Variants in ATP6V1C1 observed in about 807,000 individuals in gnomAD.
ATP6V1C1 encodes ATPase H+ transporting V1 subunit C1, also known as V-type proton ATPase subunit C 1.
A neutral mutation model predicts 53.9 loss-of-function variants in ATP6V1C1; 45 were observed. The ratio of observed to expected loss-of-function variants is 0.83; its 90% confidence interval spans 0.66 to 1.07. The LOEUF is 1.07. Among genes scored for constraint, ATP6V1C1 ranks in the 50% least tolerant of loss-of-function variants. The probability of loss-of-function intolerance (pLI) is 0.00; values close to 1 mark genes in which losing one functional copy is unlikely to be tolerated. For synonymous variants in ATP6V1C1, 153 were observed against 155.2 expected (o/e 0.99, Z 0.11); for missense variants, 315 against 440.3 (o/e 0.72, Z 2.55).
intron 1 of ATP6V1C1, among the ~76,000 whole-genome samples, chr8:103,026,224 T>C (rs559568908): frequency 1.9e-4 from 29 of 152,348 alleles, no homozygotes; most frequent in African/African-American, 6.0e-4. Context: ...TTTCCAACAT[T>C]GTATTATGTA....
chr8:103,032,795 A>T (rs1207930060), intron 1 of ATP6V1C1, among the ~76,000 whole-genome samples: 1 of 152,140 alleles, frequency 6.6e-6, no homozygotes, highest in Non-Finnish European at 1.5e-5. Flanking sequence ...TATAAAGGTA[A>T]ATATACATTG....
At position 103,066,511 on chromosome 8, in the gene ATP6V1C1, A is replaced by T. The variant is rs1346644740; in HGVS notation, c.1053+64A>T. ...GAATTTCAGAAAAAAAATGATTGAA[A>T]GAAGATAGACAGAAAAGGGAGGGTA... On this transcript the variant is annotated intron_variant, in intron 12 of 12. Transcript: ENST00000518738. The T allele has an allele frequency of 8.9e-6, 13 of 1,464,764 alleles. No homozygotes were observed. In the Admixed American group the frequency reaches 3.2e-4, roughly 37 times the overall value. 90.7% of individuals were successfully genotyped at this position (1,464,764 alleles called of 1,614,324 possible). A position where few individuals can be genotyped will look rare whatever the true frequency, so the allele number is the denominator to read the frequency against.
At chr8:103,061,740 A>G (rs987399328) in intron 8 of ATP6V1C1, among the ~76,000 whole-genome samples, 1 of 152,228 alleles carries the variant, frequency 6.6e-6, no homozygotes, top group Non-Finnish European at 1.5e-5. Context: ...AACACTAAAC[A>G]TTAGAAGAAC....
chr8:103,063,324 G>T, intron 10 of ATP6V1C1, 96 bp downstream of exon 10: 1 of 799,436 alleles, frequency 1.3e-6, no homozygotes, highest in Non-Finnish European at 1.9e-6. Context: ...ATCTGCTTTG[G>T]TTTTAAGACA....
chr8:103,029,207 T>C (rs1816750201), intron 1 of ATP6V1C1, among the ~76,000 whole-genome samples: 1 of 152,136 alleles, frequency 6.6e-6, no homozygotes, highest in Admixed American at 6.6e-5. Flanking sequence ...TTGATAAATA[T>C]TGCCAAATTG....
At chr8:103,055,643 T>C (rs1192240690) in intron 7 of ATP6V1C1, among the ~76,000 whole-genome samples, 1 of 152,170 alleles carries the variant, frequency 6.6e-6, no homozygotes. Context: ...GTGCCTCTTT[T>C]GCAATGGTTA....
rs114230498 is a variant in ATP6V1C1 at position 103,055,394 on chromosome 8, A to G, written c.573-474A>G. Among the ~76,000 whole-genome samples, 738 of 152,214 alleles carry G rather than the reference A, an allele frequency of 4.8e-3. 5 individuals are homozygous for G. Among genetic ancestry groups the G allele is most frequent in the African/African-American group, 0.017 (694 of 41,544 alleles). The stretch of plus-strand genomic sequence containing the variant: ...GGCCTCTAGAGAAGGTTGTTGCACA[A>G]TGTTTTGTGGCAACATAGTTTACTG... On this transcript the variant is annotated intron_variant, in intron 7 of 12. Coordinates refer to ENST00000518738, the MANE Select transcript of ATP6V1C1 (RefSeq NM_001695.5).
intron 12 of ATP6V1C1, 102 bp downstream of exon 12, chr8:103,066,549 A>C: frequency 7.8e-7 from 1 of 1,289,038 alleles, no homozygotes; most frequent in Non-Finnish European, 1.0e-6. Flanking sequence ...TATGAAACTT[A>C]ATCATTTTTT....
intron 8 of ATP6V1C1, among the ~76,000 whole-genome samples, chr8:103,057,120 A>G (rs551791159): frequency 3.8e-4 from 58 of 152,328 alleles, no homozygotes; most frequent in South Asian, 6.2e-4. Context: ...AAAATGAAAG[A>G]AAGTACACTC....
At position 103,040,930 on chromosome 8, in the gene ATP6V1C1, C is replaced by T. The variant is rs1453043114; in HGVS notation, c.94C>T (p.Leu32Phe). ...TGCGGCAACTTCAAAGAACAATAAT[C>T]TTGCTGTCACTTCCAAGTTCAATAT... ...LHAATSKNNN[L>F]AVTSKFNIPD... is the part of the protein sequence containing the mutation. Residue 32 changes from leucine to phenylalanine, a missense_variant, in exon 2 of 13, where the codon CTT (leucine) becomes TTT (phenylalanine). Transcript: ENST00000518738. 4.3e-6 allele frequency: 7 copies of T among 1,614,058 alleles called. No homozygotes were observed. Among genetic ancestry groups the T allele is most frequent in the South Asian group, 3.3e-5 (3 of 91,082 alleles).
intron 3 of ATP6V1C1, among the ~76,000 whole-genome samples, chr8:103,045,833 C>T (rs560415383): frequency 2.6e-5 from 4 of 151,890 alleles, no homozygotes; most frequent in East Asian, 3.9e-4. Context: ...CCCAGCTACT[C>T]GGGAGGCTGA....
At chr8:103,040,768 G>A in intron 1 of ATP6V1C1, 30 bp from the exon 2 acceptor site, 1 of 1,541,746 alleles carries the variant, frequency 6.5e-7, no homozygotes, top group South Asian at 1.2e-5. Context: ...GATTTTAAAT[G>A]TGATTTTTTT....
Position 103,052,792 on chromosome 8 carries a change from G to A in ATP6V1C1, c.443G>A (p.Gly148Glu). Residue 148 changes from glycine to glutamate, a missense_variant, in exon 6 of 13, where the codon GGA (glycine) becomes GAA (glutamate). Coordinates refer to ENST00000518738, the MANE Select transcript of ATP6V1C1 (RefSeq NM_001695.5). ...SRASAYNNLKGNLQNLERKNA... is the reference protein window; with the variant it reads ...SRASAYNNLKENLQNLERKNA... ...GCATCTGCATACAATAACCTGAAAGGAAATCTTCAGAATTTGGAACGAAAG... is the reference window on the plus strand; with the variant it reads ...GCATCTGCATACAATAACCTGAAAGAAAATCTTCAGAATTTGGAACGAAAG... 2 of 1,597,602 alleles carry A rather than the reference G, an allele frequency of 1.3e-6. No individual in the cohort carries two copies. Among genetic ancestry groups the A allele is most frequent in the African/African-American group, 1.4e-5 (1 of 73,984 alleles).
Position 103,071,909 on chromosome 8 carries a change from G to A in ATP6V1C1, c.*3162G>A, listed in dbSNP as rs2453996. 0.13 allele frequency: 19,783 copies of A among 152,362 alleles called. 1,415 individuals are homozygous for A. The highest frequency in any genetic ancestry group is 0.16 in the Middle Eastern group (47 of 294). 9.4% of individuals were successfully genotyped at this position (152,362 alleles called of 1,614,324 possible). A position where few individuals can be genotyped will look rare whatever the true frequency, so the allele number is the denominator to read the frequency against. ...TGGTGTTACAGGCATAAGCCACCACGCCTGGCCTGTGTTGCTATTATATTT... is the reference window on the plus strand; with the variant it reads ...TGGTGTTACAGGCATAAGCCACCACACCTGGCCTGTGTTGCTATTATATTT... On this transcript the variant is annotated 3_prime_UTR_variant, in exon 13 of 13. Coordinates refer to ENST00000518738, the MANE Select transcript of ATP6V1C1 (RefSeq NM_001695.5).
intron 1 of ATP6V1C1, among the ~76,000 whole-genome samples, chr8:103,038,160 C>T (rs532100017): frequency 6.6e-5 from 10 of 152,202 alleles, no homozygotes; most frequent in Admixed American, 5.9e-4. Flanking sequence ...TTGATGCAGC[C>T]GCATTCAGCT....
intron 11 of ATP6V1C1, 54 bp downstream of exon 11, chr8:103,064,865 A>G (rs1817461896): frequency 6.7e-7 from 1 of 1,490,042 alleles, no homozygotes; most frequent in Non-Finnish European, 9.2e-7. Context: ...GATTCCTTAC[A>G]TTGGACCTCT....
chr8:103,040,907 C>T lies in ATP6V1C1; in HGVS notation c.71C>T (p.Ala24Val), dbSNP rs79023310. 2.2e-4 allele frequency: 359 copies of T among 1,613,978 alleles called. No homozygotes were observed. The highest frequency in any genetic ancestry group is 3.8e-4 in the East Asian group (17 of 44,852). ...TCQQTWEKLHAATSKNNNLAV... is the reference protein window; with the variant it reads ...TCQQTWEKLHVATSKNNNLAV... ...CAGCAAACATGGGAGAAATTGCATG[C>T]GGCAACTTCAAAGAACAATAATCTT... The change falls in exon 2 of 13, where the codon GCG becomes GTG. Residue 24 changes from alanine (A) to valine (V), a missense_variant. Ala to Val is a moderately conservative substitution (Grantham distance 64). Transcript: ENST00000518738.
At chr8:103,060,886 C>G (rs976439978) in intron 8 of ATP6V1C1, among the ~76,000 whole-genome samples, 3 of 152,160 alleles carry the variant, frequency 2.0e-5, no homozygotes, top group African/African-American at 7.2e-5. Context: ...GTAACCTGTT[C>G]ATTGACACAG....
chr8:103,022,264 C>T (rs1017579187), intron 1 of ATP6V1C1, among the ~76,000 whole-genome samples: 6 of 152,052 alleles, frequency 3.9e-5, no homozygotes, highest in South Asian at 2.1e-4. Flanking sequence ...CAGGGAAAGC[C>T]ACAGGATTTG....
Sources: gnomAD v4.1 joint callset for allele counts (sites outside exome capture counted in the v4.1 genomes callset) on GRCh38, gnomAD v4.1.1 for gene constraint, MANE v1.5 for transcripts, NCBI Gene and HGNC (gene_info 2026-07-23, HGNC 2026-07-21) for gene names.